Variants in PALLD observed in about 807,000 individuals in gnomAD.
PALLD encodes the protein palladin, cytoskeletal associated protein, also known as palladin.
Under a neutral mutation model 123.5 loss-of-function variants are expected in PALLD, and 61 were observed. The observed-to-expected ratio is 0.49, with a 90% CI of 0.40 to 0.61. The LOEUF (loss-of-function observed/expected upper bound fraction) is 0.61, where lower values mean the gene tolerates loss of function less well. Ranked by LOEUF, PALLD falls within the 20% of genes least tolerant of loss-of-function variation. The pLI, the probability that PALLD is intolerant of heterozygous loss-of-function variation, is 0.00. For synonymous variants in PALLD, 465 were observed against 496.4 expected, an observed-to-expected ratio of 0.94 and a Z score of 0.84; for missense variants, 1,273 against 1,377.0, an observed-to-expected ratio of 0.92 and a Z score of 1.20.
chr4:168,769,175 T>G lies in PALLD; in HGVS notation c.1964+57252T>G, dbSNP rs6848143. On this transcript the variant is annotated intron_variant, in intron 10 of 21. Transcript: ENST00000505667. The stretch of plus-strand genomic sequence containing the variant: ...TGACTTTTCCAGTGAAGAACATTCA[T>G]TGTATCCCAGTCAAATATTAAAAAT... Among the ~76,000 whole-genome samples the G allele has an allele frequency of 9.8e-3, 1,495 of 152,288 alleles. 18 individuals carry two copies. The highest frequency in any genetic ancestry group is 0.033 in the African/African-American group (1,389 of 41,560).
intron 3 of PALLD, among the ~76,000 whole-genome samples, chr4:168,679,572 C>G (rs574023183): frequency 1.1e-3 from 155 of 139,890 alleles, no homozygotes; most frequent in African/African-American, 4.2e-3. Flanking sequence ...TGTGTGTGTC[C>G]TCTTCACTGC....
At chr4:168,622,393 T>C (rs1321936123) in intron 2 of PALLD, among the ~76,000 whole-genome samples, 1 of 152,236 alleles carries the variant, frequency 6.6e-6, no homozygotes, top group Non-Finnish European at 1.5e-5. Context: ...CCAGTCTTGC[T>C]CAAACAATGT....
chr4:168,809,688 GC>G (rs978433754), intron 10 of PALLD, among the ~76,000 whole-genome samples: 15 of 151,880 alleles, frequency 9.9e-5, no homozygotes, highest in African/African-American at 3.6e-4. Flanking sequence ...ACATGGTGAA[GC>G]CCCATCTCTA....
intron 11 of PALLD, among the ~76,000 whole-genome samples, chr4:168,892,409 G>A (rs894021955): frequency 1.7e-4 from 26 of 152,260 alleles, no homozygotes; most frequent in Admixed American, 9.2e-4. Flanking sequence ...ACATTGATAA[G>A]TAAAACTGTG....
chr4:168,924,219 T>G (rs1703500590), intron 18 of PALLD, 36 bp from the exon 19 acceptor site: 2 of 1,583,114 alleles, frequency 1.3e-6, no homozygotes, highest in South Asian at 2.2e-5. Context: ...TCCTTTTGTA[T>G]ATCATTGATA....
chr4:168,904,069 T>A (rs1294016093), intron 15 of PALLD, 163 bp downstream of exon 15: 7 of 689,466 alleles, frequency 1.0e-5, no homozygotes, highest in Non-Finnish European at 1.5e-5. Flanking sequence ...ATAGAAAAAT[T>A]CTTTGTTTCA....
rs541733011 is a variant in PALLD at position 168,670,065 on chromosome 4, C to A, written c.1087+1697C>A. 4.6e-5 allele frequency among the ~76,000 whole-genome samples: 7 copies of A among 152,214 alleles called. No homozygotes were observed. The East Asian group carries it at 1.2e-3, about 25-fold the overall frequency. ...TCACTAATGAGTTAGCAGTATTATTCAGGGGTGGGTTATGTAGCAAACTTC... is the reference window on the plus strand; with the variant it reads ...TCACTAATGAGTTAGCAGTATTATTAAGGGGTGGGTTATGTAGCAAACTTC... On this transcript the variant is annotated intron_variant, in intron 3 of 21. Transcript: ENST00000505667.
chr4:168,562,173 A>G (rs1302347745), intron 2 of PALLD, among the ~76,000 whole-genome samples: 1 of 151,714 alleles, frequency 6.6e-6, no homozygotes, highest in African/African-American at 2.4e-5. Context: ...ACCTTCCAGT[A>G]TGTGCCATGA....
intron 10 of PALLD, among the ~76,000 whole-genome samples, chr4:168,730,195 C>A (rs775502332): frequency 6.6e-6 from 1 of 151,802 alleles, no homozygotes; most frequent in Non-Finnish European, 1.5e-5. Flanking sequence ...TCACTTTTTT[C>A]TTTTGTTGCC....
Position 168,927,250 on chromosome 4 carries a change from A to T in PALLD, c.*1070A>T, listed in dbSNP as rs1299894971. 1.3e-5 allele frequency: 3 copies of T among 231,048 alleles called. No homozygotes were observed. Among genetic ancestry groups the T allele is most frequent in the African/African-American group, 6.6e-5 (3 of 45,204 alleles). The allele number at this position is 231,048 out of a possible 1,614,324, so 14.3% of individuals were successfully genotyped here. A position where few individuals can be genotyped will look rare whatever the true frequency, so the allele number is the denominator to read the frequency against. On this transcript the variant is annotated 3_prime_UTR_variant, in exon 22 of 22. Transcript: ENST00000505667. ...AGGAAAATGCAACCAGCATGATTAT[A>T]GTGTGTTCATTTAGATAAAAGTAGA... is the stretch of plus-strand genomic sequence containing the variant.
chr4:168,831,305 G>T (rs760111054), intron 10 of PALLD, among the ~76,000 whole-genome samples: 1 of 151,892 alleles, frequency 6.6e-6, no homozygotes, highest in Non-Finnish European at 1.5e-5. Context: ...GTAGATGAGC[G>T]TTAAAATAAG....
chr4:168,811,774 T>TCACACACACACACACACACA (rs879411684), intron 10 of PALLD, among the ~76,000 whole-genome samples: 3 of 109,386 alleles, frequency 2.7e-5, no homozygotes, highest in Non-Finnish European at 4.2e-5. Flanking sequence ...TCTCTCTCTC[T>TCACACACACACACACACACA]CTCACACACA....
intron 10 of PALLD, among the ~76,000 whole-genome samples, chr4:168,867,421 G>C (rs1750454436): frequency 6.6e-6 from 1 of 152,152 alleles, no homozygotes; most frequent in South Asian, 2.1e-4. Flanking sequence ...TTTTGTTACT[G>C]TCTAAGGCCT....
chr4:168,512,628 A>C (rs1165542789), intron 2 of PALLD, among the ~76,000 whole-genome samples: 3 of 152,186 alleles, frequency 2.0e-5, no homozygotes, highest in African/African-American at 7.2e-5. Context: ...CTAAGGAAGG[A>C]AGGCAAAGGA....
At chr4:168,596,908 C>A (rs1772044666) in intron 2 of PALLD, among the ~76,000 whole-genome samples, 1 of 151,756 alleles carries the variant, frequency 6.6e-6, no homozygotes, top group South Asian at 2.1e-4. Context: ...ATACTTAAGC[C>A]CCAATAAATT....
chr4:168,746,712 G>C (rs1340875254), intron 10 of PALLD, among the ~76,000 whole-genome samples: 1 of 152,038 alleles, frequency 6.6e-6, no homozygotes, highest in Non-Finnish European at 1.5e-5. Flanking sequence ...CCCAGAACTA[G>C]AAACATAAGA....
Position 168,632,164 on chromosome 4 carries a change from TA to T in PALLD, c.909-36024del, listed in dbSNP as rs566502463. ...GAGGGGAGAAAGGCGTGAGGTTGAA[TA>T]ATCTCTCCTACCCACCTCACCCTTT... On this transcript the variant is annotated intron_variant, in intron 2 of 21. Coordinates refer to ENST00000505667, the MANE Select transcript of PALLD (RefSeq NM_001166108.2). Among the ~76,000 whole-genome samples the T allele has an allele frequency of 3.2e-4, 48 of 151,878 alleles. 2 individuals are homozygous for T. The highest frequency in any genetic ancestry group is 6.8e-3 in the Middle Eastern group (2 of 294).
intron 10 of PALLD, chr4:168,877,853 G>C: frequency 7.3e-7 from 1 of 1,368,438 alleles, no homozygotes; most frequent in Non-Finnish European, 9.4e-7. Context: ...CGCCTTCCCC[G>C]AGCTCGCGGC....
At chr4:168,732,600 A>C (rs1787287970) in intron 10 of PALLD, among the ~76,000 whole-genome samples, 1 of 151,838 alleles carries the variant, frequency 6.6e-6, no homozygotes, top group African/African-American at 2.4e-5. Context: ...GAACATAACC[A>C]GAAAACTCAG....
Sources: gnomAD v4.1 joint callset for allele counts (sites outside exome capture counted in the v4.1 genomes callset) on GRCh38, gnomAD v4.1.1 for gene constraint, MANE v1.5 for transcripts, NCBI Gene and HGNC (gene_info 2026-07-23, HGNC 2026-07-21) for gene names.